CDS2: variants seen among roughly 807,000 people sequenced by gnomAD.
The protein encoded by CDS2 is phosphatidate cytidylyltransferase 2.
CDS2 carries 47 observed loss-of-function variants against 59.0 expected under a neutral mutation model. The observed-to-expected ratio is 0.80, with a 90% CI of 0.63 to 1.02. CDS2 has a LOEUF of 1.02. CDS2 is among the 50% of genes least tolerant of loss of function. The pLI is 0.00. For synonymous variants in CDS2, 207 were observed against 206.4 expected (o/e 1.00, Z -0.02); for missense variants, 356 against 558.9 (o/e 0.64, Z 3.66).
Position 5,184,850 on chromosome 20 carries a change from A to C in CDS2, c.672-8A>C. The C allele has an allele frequency of 2.5e-6, 4 of 1,610,120 alleles. No individual in the cohort carries two copies. Among genetic ancestry groups the C allele is most frequent in the African/African-American group, 2.7e-5 (2 of 74,986 alleles). On this transcript the variant is annotated splice_polypyrimidine_tract_variant and splice_region_variant and intron_variant, in intron 7 of 12. Coordinates refer to ENST00000460006, the MANE Select transcript of CDS2 (RefSeq NM_003818.4). This position sits in a 1 kb window ranked among gnomAD's most constrained non-coding sequence, Gnocchi z 4.3. ...CTTGAGTTGATCCTTACTTTGGTTC[A>C]TTTCTAGGTTCATTGTCCCCATATC...
rs1600528156 is a variant in CDS2, at chr20:5,197,551, C to T, written c.*7317C>T. The T allele has an allele frequency of 6.6e-6, 1 of 152,020 alleles. No homozygotes were observed. The highest frequency in any genetic ancestry group is 1.9e-4 in the East Asian group (1 of 5,156). 9.4% of individuals were successfully genotyped at this position (152,020 alleles called of 1,614,324 possible). ...TGGACATGATGGAATTCAGTTGTCT[C>T]ACCCTGATAGCCTGGGTGTTGATAT... On this transcript the variant is annotated 3_prime_UTR_variant, in exon 13 of 13. Transcript: ENST00000460006.
At chr20:5,186,935 C>A in intron 10 of CDS2, 96 bp downstream of exon 10, 1 of 1,377,338 alleles carries the variant, frequency 7.3e-7, no homozygotes, top group Non-Finnish European at 1.0e-6. Flanking sequence ...AAGCTAGCTT[C>A]CTCCTTCCCA....
chr20:5,186,895 G>T (rs1408866725), intron 10 of CDS2, 56 bp downstream of exon 10: 6 of 1,589,554 alleles, frequency 3.8e-6, no homozygotes, highest in African/African-American at 1.3e-5. Flanking sequence ...TACAAAGAGA[G>T]ATCCCCCTCC....
chr20:5,167,416 T>C (rs908330051), intron 1 of CDS2, among the ~76,000 whole-genome samples: 5 of 152,186 alleles, frequency 3.3e-5, no homozygotes, highest in Admixed American at 6.5e-5. Flanking sequence ...TCCTTCTGTT[T>C]GGTGTTTTGT....
At chr20:5,179,246 G>A (rs550454457) in intron 5 of CDS2, among the ~76,000 whole-genome samples, 31 of 151,454 alleles carry the variant, frequency 2.0e-4, no homozygotes, top group Admixed American at 7.9e-4. Context: ...CTCAGGTCCC[G>A]AAGTAGCTGG....
intron 1 of CDS2, among the ~76,000 whole-genome samples, chr20:5,157,340 C>A (rs1402872799): frequency 3.3e-5 from 5 of 151,928 alleles, no homozygotes; most frequent in African/African-American, 1.2e-4. Context: ...ATTGGTGGCT[C>A]CAGGCCAAAT....
chr20:5,151,179 A>C (rs924423584), intron 1 of CDS2, among the ~76,000 whole-genome samples: 1 of 152,234 alleles, frequency 6.6e-6, no homozygotes, highest in African/African-American at 2.4e-5. Flanking sequence ...CCTTAAGTTG[A>C]CAGTGTTAAT....
chr20:5,157,815 G>T (rs775092591), intron 1 of CDS2, among the ~76,000 whole-genome samples: 8 of 152,094 alleles, frequency 5.3e-5, no homozygotes, highest in Non-Finnish European at 1.2e-4. Context: ...TTGAGATGGG[G>T]GTTAGGATTT....
chr20:5,135,245 A>G (rs1048170086), intron 1 of CDS2, among the ~76,000 whole-genome samples: 4 of 152,228 alleles, frequency 2.6e-5, no homozygotes, highest in Admixed American at 2.0e-4. Flanking sequence ...CTAATTTCAC[A>G]GGGCAGATAA....
chr20:5,170,382 G>T (rs555650367), intron 1 of CDS2, among the ~76,000 whole-genome samples: 54 of 152,296 alleles, frequency 3.5e-4, no homozygotes, highest in African/African-American at 1.3e-3. Flanking sequence ...TTCCTTTTCC[G>T]GGGTATGAGC....
chr20:5,168,071 AAT>A (rs36126594), intron 1 of CDS2, among the ~76,000 whole-genome samples: 1,846 of 152,278 alleles, frequency 0.012, 21 homozygotes, highest in Middle Eastern at 0.051. Flanking sequence ...ACAGAATATT[AAT>A]ATGTTTTCTT....
At chr20:5,187,041 G>GT (rs1254868593) in intron 10 of CDS2, 3 of 293,568 alleles carry the variant, frequency 1.0e-5, no homozygotes, top group Middle Eastern at 1.1e-3. Flanking sequence ...TAGACCAGTG[G>GT]TTTTCAAAGT....
intron 1 of CDS2, among the ~76,000 whole-genome samples, chr20:5,165,959 A>C (rs957935264): frequency 6.6e-6 from 1 of 152,206 alleles, no homozygotes; most frequent in Admixed American, 6.5e-5. Context: ...ATGAGTAGAT[A>C]AGACCCTGAT....
Position 5,196,847 on chromosome 20 carries a change from G to A in CDS2, c.*6613G>A, listed in dbSNP as rs77435581. 6.6e-6 allele frequency: 1 copy of A among 152,502 alleles called. No homozygotes were observed. The highest frequency in any genetic ancestry group is 1.5e-5 in the Non-Finnish European group (1 of 68,116). 9.4% of individuals were successfully genotyped at this position (152,502 alleles called of 1,614,324 possible). A position where few individuals can be genotyped will look rare whatever the true frequency, so the allele number is the denominator to read the frequency against. Reference sequence around the variant, plus strand: ...GGGAAGAGTTGAACAGACATCAGGGGCCGATGAAACCAAAGGACTAGGAGT... The same window carrying A: ...GGGAAGAGTTGAACAGACATCAGGGACCGATGAAACCAAAGGACTAGGAGT... On this transcript the variant is annotated 3_prime_UTR_variant, in exon 13 of 13. Transcript: ENST00000460006.
chr20:5,164,603 T>C (rs1428929353), intron 1 of CDS2, among the ~76,000 whole-genome samples: 1 of 151,058 alleles, frequency 6.6e-6, no homozygotes, highest in African/African-American at 2.4e-5. Context: ...ACTCCCTCCT[T>C]GGGAGAGCTT....
At chr20:5,129,742 T>G (rs11907537) in intron 1 of CDS2, among the ~76,000 whole-genome samples, 288 of 129,168 alleles carry the variant, frequency 2.2e-3, no homozygotes, top group African/African-American at 0.01. Context: ...GTACCTGGCG[T>G]TTTTTTTTTT....
chr20:5,142,098 G>A (rs2090699171), intron 1 of CDS2, among the ~76,000 whole-genome samples: 1 of 152,188 alleles, frequency 6.6e-6, no homozygotes, highest in African/African-American at 2.4e-5. Flanking sequence ...AGGATGGCTT[G>A]AGGCCAGGAG....
intron 1 of CDS2, among the ~76,000 whole-genome samples, chr20:5,136,327 T>C (rs1438753194): frequency 1.3e-5 from 2 of 152,164 alleles, no homozygotes; most frequent in African/African-American, 4.8e-5. Context: ...CCCAGATGAC[T>C]CGGTTACTCA....
chr20:5,147,713 T>G (rs1464966949), intron 1 of CDS2, among the ~76,000 whole-genome samples: 1 of 151,998 alleles, frequency 6.6e-6, no homozygotes, highest in East Asian at 1.9e-4. Context: ...CACATTTTTT[T>G]TTTTCTTTTT....
Sources: gnomAD v4.1 joint callset for allele counts (sites outside exome capture counted in the v4.1 genomes callset) on GRCh38, gnomAD v4.1.1 for gene constraint, Gnocchi (gnomAD v3.1) non-coding constraint, MANE v1.5 for transcripts, NCBI Gene and HGNC (gene_info 2026-07-23, HGNC 2026-07-21) for gene names.